Variants in MARK3 observed in about 807,000 individuals in gnomAD.
MARK3 encodes MAP/microtubule affinity-regulating kinase 3.
In MARK3, 46 loss-of-function variants were observed where a neutral mutation model predicts 90.1. The observed-to-expected ratio is 0.51, with a 90% CI of 0.40 to 0.65. The LOEUF is 0.65. MARK3 is among the 30% of genes least tolerant of loss of function. MARK3 has a pLI of 0.00. For synonymous variants in MARK3, 321 were observed against 332.6 expected, an observed-to-expected ratio of 0.97 and a Z score of 0.38; for missense variants, 818 against 947.2, an observed-to-expected ratio of 0.86 and a Z score of 1.79.
intron 3 of MARK3, among the ~76,000 whole-genome samples, chr14:103,439,753 A>G (rs941935364): frequency 6.6e-6 from 1 of 151,926 alleles, no homozygotes; most frequent in Non-Finnish European, 1.5e-5. Context: ...GACTCATGCT[A>G]TGTGTATTCT....
rs746523547 is a variant in MARK3, at chr14:103,446,710, C to CTTTTTTT, written c.298-2190_298-2184dup. ...TGGCATCCAAAGTGGAGATTGTTGT[C>CTTTTTTT]TTTTTTTTTTTTTTTTTTTTTTTTT... is the stretch of plus-strand genomic sequence containing the variant. On this transcript the variant is annotated intron_variant, in intron 3 of 17. Transcript: ENST00000429436. Among the ~76,000 whole-genome samples, 136 of 98,006 alleles carry CTTTTTTT rather than the reference C, an allele frequency of 1.4e-3. 2 individuals are homozygous for CTTTTTTT. Among genetic ancestry groups the CTTTTTTT allele is most frequent in the East Asian group, 4.2e-3 (13 of 3,102 alleles). The allele number at this position is 98,006 out of a possible 152,430, so 64.3% of individuals were successfully genotyped here.
Position 103,503,379 on chromosome 14 carries a change from T to G in MARK3, c.*152T>G. On this transcript the variant is annotated 3_prime_UTR_variant, in exon 18 of 18. Coordinates refer to ENST00000429436, the MANE Select transcript of MARK3 (RefSeq NM_001128918.3). The stretch of plus-strand genomic sequence containing the variant: ...CGAGAGCACGCCTGGGAGCGAAAGC[T>G]GGCCTTTTTTCTACGAATGCACTAC... The G allele has an allele frequency of 2.7e-6, 2 of 731,390 alleles. No individual in the cohort carries two copies. The highest frequency in any genetic ancestry group is 4.4e-6 in the Non-Finnish European group (2 of 458,504). The allele number at this position is 731,390 out of a possible 1,614,324, so 45.3% of individuals were successfully genotyped here.
At position 103,466,372 on chromosome 14, in the gene MARK3, A is replaced by C; in HGVS notation, c.927A>C (p.Ala309=). ...TCATGAAGGACAGGTGGATCAATGC[A>C]GGGCATGAAGAAGATGAACTCAAAC... ...EQIMKDRWIN[A]GHEEDELKPF... The change falls in exon 10 of 18, where the codon GCA becomes GCC. Residue 309 remains alanine (A), a synonymous_variant. Transcript: ENST00000429436. The C allele has an allele frequency of 1.2e-6, 2 of 1,613,848 alleles. No individual in the cohort carries two copies. The highest frequency in any genetic ancestry group is 1.7e-6 in the Non-Finnish European group (2 of 1,179,746).
chr14:103,493,319 A>G lies in MARK3; in HGVS notation c.1844+1285A>G, dbSNP rs145869280. ...GCCAAGGCTGGAGTGCAGTGGTGCA[A>G]TCTTGGCTAACTTCAACCTCCGCCT... On this transcript the variant is annotated intron_variant, in intron 15 of 17. Coordinates refer to ENST00000429436, the MANE Select transcript of MARK3 (RefSeq NM_001128918.3). 3.3e-3 allele frequency among the ~76,000 whole-genome samples: 482 copies of G among 144,648 alleles called. 2 individuals carry two copies. Among genetic ancestry groups the G allele is most frequent in the African/African-American group, 0.012 (462 of 38,822 alleles). 94.9% of individuals were successfully genotyped at this position (144,648 alleles called of 152,430 possible).
intron 12 of MARK3, among the ~76,000 whole-genome samples, chr14:103,473,979 G>A (rs1234811233): frequency 1.3e-5 from 2 of 150,244 alleles, no homozygotes; most frequent in Non-Finnish European, 3.0e-5. Context: ...GGTGGATCAC[G>A]AGGTCAGGAG....
At chr14:103,410,666 T>G (rs2091577136) in intron 2 of MARK3, among the ~76,000 whole-genome samples, 1 of 152,084 alleles carries the variant, frequency 6.6e-6, no homozygotes, top group Non-Finnish European at 1.5e-5. Flanking sequence ...TGTACCGCTG[T>G]ACTCCAGCCG....
At chr14:103,422,165 G>A (rs533428646) in intron 2 of MARK3, among the ~76,000 whole-genome samples, 5 of 152,184 alleles carry the variant, frequency 3.3e-5, no homozygotes, top group Admixed American at 6.5e-5. Context: ...TTACTGAAAT[G>A]TAACACAGGT....
intron 5 of MARK3, among the ~76,000 whole-genome samples, chr14:103,453,111 T>C (rs2093193518): frequency 6.6e-6 from 1 of 152,256 alleles, no homozygotes; most frequent in Non-Finnish European, 1.5e-5. Context: ...AGTAACTATT[T>C]GCCTATGGTT....
At chr14:103,450,918 ATTCTT>A (rs1566866040) in intron 4 of MARK3, among the ~76,000 whole-genome samples, 4 of 29,722 alleles carry the variant, frequency 1.3e-4, no homozygotes, top group East Asian at 1.1e-3. Flanking sequence ...GTGTGTGTGT[ATTCTT>A]TTTTTTTTTT....
chr14:103,458,473 A>G lies in MARK3; in HGVS notation c.483+1261A>G, dbSNP rs911880060. 1.0e-3 allele frequency among the ~76,000 whole-genome samples: 147 copies of G among 146,990 alleles called. 4 individuals carry two copies. In the East Asian group the frequency reaches 0.026, roughly 26 times the overall value. On this transcript the variant is annotated intron_variant, in intron 6 of 17. Transcript: ENST00000429436. ...CCATCTCAAAAAAAAAAAAAAAAAA[A>G]AAGAAGCAGCAGCTGTAGACAATAC...
At chr14:103,487,114 G>A (rs112569990) in intron 14 of MARK3, among the ~76,000 whole-genome samples, 4 of 150,980 alleles carry the variant, frequency 2.6e-5, no homozygotes, top group Non-Finnish European at 5.9e-5. Context: ...ATGGGTTTTT[G>A]CCATGTTGGC....
intron 14 of MARK3, among the ~76,000 whole-genome samples, chr14:103,483,237 T>A (rs2093859047): frequency 7.1e-6 from 1 of 140,404 alleles, no homozygotes; most frequent in South Asian, 2.1e-4. Flanking sequence ...AGCTGTAGGA[T>A]GCCTGGACCT....
In MARK3 at chr14:103,500,159, T is replaced by C. The variant is rs372826694; in HGVS notation, c.1875T>C (p.Leu625=). The change falls in exon 17 of 18, where the codon CTT becomes CTC. Residue 625 remains leucine, a synonymous_variant. Transcript: ENST00000429436. Reference sequence around the variant, plus strand: ...CTTCTACATTCTGTTCATTGAGGCTTCCAACTGAATATGAGAGGAACGGGA... The same window carrying C: ...CTTCTACATTCTGTTCATTGAGGCTCCCAACTGAATATGAGAGGAACGGGA... ...RNMSFRFIKR[L]PTEYERNGRY... 368 of 1,612,096 alleles carry C rather than the reference T, an allele frequency of 2.3e-4. No homozygotes were observed. The African/African-American group carries it at 4.1e-3, about 18-fold the overall frequency.
chr14:103,484,325 C>T (rs926807669), intron 14 of MARK3, among the ~76,000 whole-genome samples: 6 of 152,100 alleles, frequency 3.9e-5, no homozygotes, highest in Admixed American at 1.3e-4. Context: ...TACAGGCACA[C>T]ACCACCACAC....
chr14:103,474,046 T>TACAAAAAAAAAA (rs1566909790), intron 12 of MARK3, among the ~76,000 whole-genome samples: 2 of 144,936 alleles, frequency 1.4e-5, no homozygotes, highest in African/African-American at 5.1e-5. Flanking sequence ...AAAAAAAAAA[T>TACAAAAAAAAAA]ATATACAAAA....
rs1188818980 is a variant in MARK3, at chr14:103,389,388, T to TG, written c.51+3309dup. 5.8e-4 allele frequency among the ~76,000 whole-genome samples: 86 copies of TG among 147,694 alleles called. 1 individual carries two copies. The highest frequency in any genetic ancestry group is 2.1e-3 in the African/African-American group (83 of 40,274). On this transcript the variant is annotated intron_variant, in intron 1 of 17. Coordinates refer to ENST00000429436, the MANE Select transcript of MARK3 (RefSeq NM_001128918.3). Reference sequence around the variant, plus strand: ...CAAAAAAAAAAAAAAATTAGCCAGGTGCGGTGGTGCATGCCTGTAATTCCA... The same window carrying TG: ...CAAAAAAAAAAAAAAATTAGCCAGGTGGCGGTGGTGCATGCCTGTAATTCCA...
At chr14:103,450,469 T>G (rs2093108609) in intron 4 of MARK3, among the ~76,000 whole-genome samples, 1 of 152,248 alleles carries the variant, frequency 6.6e-6, no homozygotes, top group South Asian at 2.1e-4. Flanking sequence ...TTGACATATC[T>G]TTGATAATAA....
At chr14:103,400,943 T>TTC (rs376325674) in intron 1 of MARK3, among the ~76,000 whole-genome samples, 1 of 123,548 alleles carries the variant, frequency 8.1e-6, no homozygotes, top group Non-Finnish European at 1.6e-5. Context: ...ATATAACATT[T>TTC]TGTGTGTGTG....
chr14:103,408,343 G>A (rs576426442), intron 2 of MARK3, among the ~76,000 whole-genome samples: 4 of 151,742 alleles, frequency 2.6e-5, no homozygotes, highest in Non-Finnish European at 4.4e-5. Flanking sequence ...ACACGCCACC[G>A]CACCCAGCGA....
Sources: gnomAD v4.1 joint callset for allele counts (sites outside exome capture counted in the v4.1 genomes callset) on GRCh38, gnomAD v4.1.1 for gene constraint, MANE v1.5 for transcripts, NCBI Gene and HGNC (gene_info 2026-07-23, HGNC 2026-07-21) for gene names.